Variants in RSPH6A observed in about 807,000 individuals in gnomAD.
RSPH6A encodes the protein radial spoke head 6 homolog A.
RSPH6A carries 49 observed loss-of-function variants against 66.1 expected under a neutral mutation model. The observed-to-expected ratio is 0.74, with a 90% CI of 0.59 to 0.94. RSPH6A has a LOEUF of 0.94. Among genes scored for constraint, RSPH6A ranks in the 40% least tolerant of loss-of-function variants. The probability of loss-of-function intolerance (pLI) is 0.00; values close to 1 mark genes in which losing one functional copy is unlikely to be tolerated. For missense variants in RSPH6A, 977 were observed against 948.3 expected (o/e 1.03, Z -0.40); for synonymous variants, 419 against 402.4 (o/e 1.04, Z -0.49).
chr19:45,796,767 C>A (rs1269802050), intron 5 of RSPH6A, among the ~76,000 whole-genome samples: 1 of 152,116 alleles, frequency 6.6e-6, no homozygotes, highest in East Asian at 1.9e-4. Context: ...CCTGCCTCAG[C>A]CTCCCAAAGT....
At chr19:45,806,415 G>A (rs1352340061) in intron 2 of RSPH6A, among the ~76,000 whole-genome samples, 5 of 152,088 alleles carry the variant, frequency 3.3e-5, no homozygotes, top group Admixed American at 3.3e-4. Context: ...ATTCACGCCT[G>A]TAATCCCAGC....
At chr19:45,814,492 G>A (rs780020796) in intron 1 of RSPH6A, 35 bp downstream of exon 1, 13 of 1,445,722 alleles carry the variant, frequency 9.0e-6, no homozygotes, top group Middle Eastern at 2.3e-4. Context: ...CCCTGCCTGG[G>A]TCCCCCACCC....
chr19:45,803,228 G>T (rs1194237685), intron 3 of RSPH6A, among the ~76,000 whole-genome samples: 1 of 121,252 alleles, frequency 8.2e-6, no homozygotes, highest in Non-Finnish European at 1.8e-5. Context: ...AAAAAAAAAA[G>T]CCAGGCATAG....
At position 45,804,638 on chromosome 19, in the gene RSPH6A, C is replaced by T. The variant is rs778895705; in HGVS notation, c.1267G>A (p.Ala423Thr). Residue 423 changes from alanine (A) to threonine (T), a missense_variant, in exon 3 of 6, where the codon GCC becomes ACC. By Grantham distance (58) the Ala-to-Thr change is moderately conservative. Transcript: ENST00000221538. The surrounding 1 kb of genome is among the most constrained non-coding windows in gnomAD (Gnocchi z 5.8). ...VIPKEESRSG[A>T]NKYLYFVCNE... is the part of the protein sequence containing the mutation. ...CACACAAAGTACAGGTACTTGTTGG[C>T]GCCTGAGCGGCTCTCCTCCTTGGGG... The T allele has an allele frequency of 1.1e-5, 18 of 1,614,096 alleles. No individual in the cohort carries two copies. The highest frequency in any genetic ancestry group is 8.8e-5 in the South Asian group (8 of 91,084).
chr19:45,802,152 G>A lies in RSPH6A; in HGVS notation c.1766C>T (p.Pro589Leu). 6.4e-7 allele frequency: 1 copy of A among 1,555,960 alleles called. No homozygotes were observed. Among genetic ancestry groups the A allele is most frequent in the Non-Finnish European group, 8.7e-7 (1 of 1,145,880 alleles). ...GPEEVEQEVG[P>L]PLLTPLSEDA... ...TTCTGAAAGTGGCGTTAGCAGTGGG[G>A]GGCCAACCTCCTGCTCCACCTCCTC... Residue 589 changes from proline to leucine, a missense_variant, in exon 4 of 6, where the codon CCC (proline) becomes CTC (leucine). Pro to Leu is a moderately conservative substitution (Grantham distance 98). Coordinates refer to ENST00000221538, the MANE Select transcript of RSPH6A (RefSeq NM_030785.4).
chr19:45,800,588 G>A (rs769659217), intron 4 of RSPH6A, 25 bp from the exon 5 acceptor site: 3 of 1,592,432 alleles, frequency 1.9e-6, no homozygotes, highest in African/African-American at 1.3e-5. Flanking sequence ...CAGCAGAGGG[G>A]GGCAGCAGGG....
At chr19:45,805,093 T>A (rs919207301) in intron 2 of RSPH6A, 77 bp from the exon 3 acceptor site, 3 of 1,295,698 alleles carry the variant, frequency 2.3e-6, no homozygotes, top group Non-Finnish European at 3.2e-6. Flanking sequence ...CAGACTCTTC[T>A]AGAGTCAAGA....
At chr19:45,812,089 T>C (rs755061396) in intron 1 of RSPH6A, among the ~76,000 whole-genome samples, 2 of 94,312 alleles carry the variant, frequency 2.1e-5, no homozygotes, top group East Asian at 3.7e-4. Context: ...CCAACATTTG[T>C]ATTTTTTGTA....
In RSPH6A at chr19:45,800,426, G is replaced by A. The variant is rs369365480; in HGVS notation, c.1916+20C>T. 17 of 1,601,110 alleles carry A rather than the reference G, an allele frequency of 1.1e-5. No homozygotes were observed. Among genetic ancestry groups the A allele is most frequent in the Non-Finnish European group, 1.5e-5 (17 of 1,170,452 alleles). ...GTCCTGAGAGATTCTCCTGCTGGGA[G>A]GGGCTGGGGGAAGACCTACTTGCCA... On this transcript the variant is annotated intron_variant, in intron 5 of 5. Transcript: ENST00000221538.
At chr19:45,806,751 A>AGTGTAATG (rs1970549451) in intron 2 of RSPH6A, among the ~76,000 whole-genome samples, 1 of 149,580 alleles carries the variant, frequency 6.7e-6, no homozygotes, top group Admixed American at 6.7e-5. Flanking sequence ...AGAAAGAAGA[A>AGTGTAATG]GTGTAATGTA....
intron 5 of RSPH6A, among the ~76,000 whole-genome samples, chr19:45,799,803 T>C (rs1174076315): frequency 6.6e-6 from 1 of 152,098 alleles, no homozygotes; most frequent in Admixed American, 6.6e-5. Context: ...TCCTAGCACT[T>C]TGGGAGGCCA....
rs200210042 is a variant in RSPH6A, at chr19:45,800,468, C to T, written c.1894G>A (p.Ala632Thr). 5.6e-6 allele frequency: 9 copies of T among 1,612,918 alleles called. No homozygotes were observed. Among genetic ancestry groups the T allele is most frequent in the South Asian group, 3.3e-5 (3 of 91,046 alleles). Reference sequence around the variant, plus strand: ...TACTTGCCACTGGCATAGGCATAGGCCCCGGGCCAGAGGTTGGAGCGCACA... The same window carrying T: ...TACTTGCCACTGGCATAGGCATAGGTCCCGGGCCAGAGGTTGGAGCGCACA... ...AVVRSNLWPG[A>T]YAYASGKKFE... The change falls in exon 5 of 6, where the codon GCC (alanine) becomes ACC (threonine). Residue 632 changes from alanine (A) to threonine (T), a missense_variant. By Grantham distance (58) the Ala-to-Thr change is moderately conservative. Transcript: ENST00000221538.
At chr19:45,799,970 C>T (rs934955355) in intron 5 of RSPH6A, among the ~76,000 whole-genome samples, 13 of 152,198 alleles carry the variant, frequency 8.5e-5, no homozygotes, top group Non-Finnish European at 1.8e-4. Flanking sequence ...TCACTTGAAC[C>T]TGGGAGGCGG....
At position 45,815,299 on chromosome 19, in the gene RSPH6A, C is replaced by T. The variant is rs1026806814; in HGVS notation, c.-123G>A. ...AGAGGGGGCCGTTACCCGTGGAGGG[C>T]GCGGGGAGCGGGCCAGGGTGGGTTC... is the stretch of plus-strand genomic sequence containing the variant. On this transcript the variant is annotated 5_prime_UTR_variant, in exon 1 of 6. Transcript: ENST00000221538. The T allele has an allele frequency of 1.9e-5, 23 of 1,204,624 alleles. No homozygotes were observed. The African/African-American group carries it at 3.5e-4, about 19-fold the overall frequency. The allele number at this position is 1,204,624 out of a possible 1,614,324, so 74.6% of individuals were successfully genotyped here.
intron 5 of RSPH6A, among the ~76,000 whole-genome samples, chr19:45,797,587 A>G (rs1007822049): frequency 1.3e-5 from 2 of 151,996 alleles, no homozygotes; most frequent in African/African-American, 4.8e-5. Context: ...AAACTAGACA[A>G]AACTCCCTGC....
chr19:45,802,326 G>T (rs149555741), intron 3 of RSPH6A, 62 bp from the exon 4 acceptor site: 15,491 of 1,293,052 alleles, frequency 0.012, 119 homozygotes, highest in Non-Finnish European at 0.014. Flanking sequence ...TGCCTCCTGT[G>T]GGGGAGGTGA....
At position 45,814,589 on chromosome 19, in the gene RSPH6A, C is replaced by T. The variant is rs1387610221; in HGVS notation, c.588G>A (p.Glu196=). ...SAQVPEPEPL[E]LAVQNAKAYL... ...AGGCCTTGGCGTTCTGCACGGCCAG[C>T]TCCAGAGGCTCGGGCTCAGGCACCT... Residue 196 remains glutamate, a synonymous_variant, in exon 1 of 6, where the codon GAG becomes GAA. Transcript: ENST00000221538. The T allele has an allele frequency of 6.4e-7, 1 of 1,558,318 alleles. No homozygotes were observed. The highest frequency in any genetic ancestry group is 8.7e-7 in the Non-Finnish European group (1 of 1,154,706).
intron 5 of RSPH6A, among the ~76,000 whole-genome samples, chr19:45,798,567 G>T (rs1323764345): frequency 1.4e-5 from 2 of 144,036 alleles, no homozygotes; most frequent in African/African-American, 5.1e-5. Flanking sequence ...GGCCAGGCGC[G>T]GTGGCTCACG....
intron 1 of RSPH6A, 106 bp downstream of exon 1, chr19:45,814,421 T>A: frequency 9.3e-7 from 1 of 1,071,344 alleles, no homozygotes; most frequent in African/African-American, 1.6e-5. Flanking sequence ...AGTCACTGGT[T>A]TTCCATGAGG....
Sources: gnomAD v4.1 joint callset for allele counts (sites outside exome capture counted in the v4.1 genomes callset) on GRCh38, gnomAD v4.1.1 for gene constraint, Gnocchi (gnomAD v3.1) non-coding constraint, MANE v1.5 for transcripts, NCBI Gene and HGNC (gene_info 2026-07-23, HGNC 2026-07-21) for gene names.